PDE4B: variants seen among roughly 807,000 people sequenced by gnomAD.
The protein encoded by PDE4B is phosphodiesterase 4B.
A neutral mutation model predicts 82.2 loss-of-function variants in PDE4B; 20 were observed. The ratio of observed to expected loss-of-function variants is 0.24; its 90% CI spans 0.17 to 0.35. The LOEUF (loss-of-function observed/expected upper bound fraction) is 0.35. Among genes scored for constraint, PDE4B ranks in the 10% least tolerant of loss-of-function variants. PDE4B has a pLI of 1.00. For missense variants in PDE4B, 655 were observed against 907.2 expected (o/e 0.72, Z 3.57); for synonymous variants, 320 against 318.9 (o/e 1.00, Z -0.04).
intron 3 of PDE4B, among the ~76,000 whole-genome samples, chr1:66,179,346 T>G (rs1343933396): frequency 1.3e-5 from 2 of 152,094 alleles, no homozygotes; most frequent in African/African-American, 2.4e-5. Flanking sequence ...TTGTCAATGG[T>G]CAGTGCAGGC....
intron 3 of PDE4B, among the ~76,000 whole-genome samples, chr1:66,179,189 A>AT (rs1318657803): frequency 6.6e-6 from 1 of 152,022 alleles, no homozygotes; most frequent in Non-Finnish European, 1.5e-5. Flanking sequence ...AAAGTTACTG[A>AT]TTTTTTCAGT....
At chr1:65,905,216 T>A (rs981679542) in intron 1 of PDE4B, among the ~76,000 whole-genome samples, 2 of 152,114 alleles carry the variant, frequency 1.3e-5, no homozygotes, top group African/African-American at 2.4e-5. Flanking sequence ...AGAAAAATAA[T>A]GTGATAATAC....
chr1:66,130,184 T>TC (rs1170555172), intron 3 of PDE4B, among the ~76,000 whole-genome samples: 1 of 152,136 alleles, frequency 6.6e-6, no homozygotes, highest in African/African-American at 2.4e-5. Context: ...TGGCAACAGG[T>TC]CCCTCATGGG....
intron 3 of PDE4B, among the ~76,000 whole-genome samples, chr1:65,943,025 A>G (rs1411490660): frequency 6.6e-6 from 1 of 151,706 alleles, no homozygotes; most frequent in Non-Finnish European, 1.5e-5. Flanking sequence ...TATAATCCCA[A>G]TTGTTTATTT....
chr1:65,812,771 G>A (rs1320677251), intron 1 of PDE4B, among the ~76,000 whole-genome samples: 1 of 152,196 alleles, frequency 6.6e-6, no homozygotes, highest in African/African-American at 2.4e-5. Flanking sequence ...TGCACTGGTT[G>A]AGAAGCTCTA....
In PDE4B at chr1:66,244,757, G is replaced by A. The variant is rs148684324; in HGVS notation, c.282-2703G>A. On this transcript the variant is annotated intron_variant, in intron 3 of 16. Transcript: ENST00000341517. ...CATCAGAGACTTCTTCCCTGGCTTC[G>A]TTTAAATTCCAGCAAGCTCTCCTGA... Among the ~76,000 whole-genome samples, 84 of 152,298 alleles carry A rather than the reference G, an allele frequency of 5.5e-4. 2 individuals are homozygous for A. The Middle Eastern group carries it at 0.014, about 25-fold the overall frequency.
intron 3 of PDE4B, among the ~76,000 whole-genome samples, chr1:66,229,009 C>T: frequency 6.6e-6 from 1 of 151,950 alleles, no homozygotes; most frequent in South Asian, 2.1e-4. Context: ...GAACATCTTC[C>T]CCAGAGGCTT....
At chr1:66,264,486 C>T (rs1450157151) in intron 6 of PDE4B, among the ~76,000 whole-genome samples, 3 of 152,142 alleles carry the variant, frequency 2.0e-5, no homozygotes, top group African/African-American at 7.2e-5. Flanking sequence ...GGTGATAATA[C>T]TCCCAGTGGA....
chr1:66,210,614 AAAAAAG>A (rs1557636680), intron 3 of PDE4B, among the ~76,000 whole-genome samples: 2 of 149,036 alleles, frequency 1.3e-5, no homozygotes, highest in African/African-American at 2.5e-5. Context: ...AAAAAAAAAA[AAAAAAG>A]AAAAAGGAAA....
At chr1:65,960,675 C>T (rs1201186149) in intron 3 of PDE4B, among the ~76,000 whole-genome samples, 1 of 151,840 alleles carries the variant, frequency 6.6e-6, no homozygotes, top group Admixed American at 6.6e-5. Flanking sequence ...AAATAATGAC[C>T]ATATTTTTAA....
chr1:66,329,734 A>C (rs951959837), intron 7 of PDE4B, among the ~76,000 whole-genome samples: 1 of 152,236 alleles, frequency 6.6e-6, no homozygotes, highest in Non-Finnish European at 1.5e-5. Flanking sequence ...TATGAGATAA[A>C]TATTTTATCC....
At chr1:66,187,217 C>T (rs1271040258) in intron 3 of PDE4B, among the ~76,000 whole-genome samples, 4 of 152,028 alleles carry the variant, frequency 2.6e-5, no homozygotes, top group East Asian at 1.9e-4. Flanking sequence ...TTTTGATGTG[C>T]TGCTGGATTC....
At chr1:65,842,893 G>C (rs2101352058) in intron 1 of PDE4B, among the ~76,000 whole-genome samples, 1 of 152,240 alleles carries the variant, frequency 6.6e-6, no homozygotes, top group Non-Finnish European at 1.5e-5. Flanking sequence ...TCAGAGAATG[G>C]GTGGCGTCTA....
intron 3 of PDE4B, among the ~76,000 whole-genome samples, chr1:66,049,066 T>A (rs1368099929): frequency 6.6e-6 from 1 of 152,020 alleles, no homozygotes; most frequent in Non-Finnish European, 1.5e-5. Context: ...TATATTTGAG[T>A]AAACTTTTAA....
chr1:66,110,290 A>G (rs1053295581), intron 3 of PDE4B, among the ~76,000 whole-genome samples: 5 of 152,026 alleles, frequency 3.3e-5, no homozygotes, highest in East Asian at 1.9e-4. Flanking sequence ...CAAGTGTGAG[A>G]TGGAAGTATT....
chr1:65,887,186 T>TTTTCTTTCTTTCTTTCTTTCTTTC (rs766627917), intron 1 of PDE4B, among the ~76,000 whole-genome samples: 6 of 60,076 alleles, frequency 1.0e-4, no homozygotes, highest in Non-Finnish European at 1.3e-4. Context: ...CTCCCTCCCT[T>TTTTCTTTCTTTCTTTCTTTCTTTC]TTTCTTTCTT....
chr1:66,154,503 G>A (rs78640135), intron 3 of PDE4B, among the ~76,000 whole-genome samples: 4,134 of 152,248 alleles, frequency 0.027, 101 homozygotes, highest in Non-Finnish European at 0.041. Flanking sequence ...GCCTAGGGCC[G>A]TCCTTGATCC....
At chr1:66,122,978 T>A (rs1645744469) in intron 3 of PDE4B, among the ~76,000 whole-genome samples, 1 of 152,110 alleles carries the variant, frequency 6.6e-6, no homozygotes, top group African/African-American at 2.4e-5. Context: ...AGTGCTGGGA[T>A]TACAGATGTG....
At chr1:66,157,075 C>G (rs1423842738) in intron 3 of PDE4B, among the ~76,000 whole-genome samples, 4 of 152,160 alleles carry the variant, frequency 2.6e-5, no homozygotes, top group Non-Finnish European at 5.9e-5. Context: ...AACTTACAAT[C>G]CTAAAACTGA....
Sources: allele counts gnomAD v4.1 joint callset (sites outside exome capture counted in the v4.1 genomes callset), GRCh38; gene constraint gnomAD v4.1.1; transcripts MANE v1.5; gene names NCBI Gene and HGNC (gene_info 2026-07-23, HGNC 2026-07-21).